PDZRN4: variants seen among roughly 807,000 people sequenced by gnomAD.
PDZRN4 encodes PDZ domain-containing RING finger protein 4.
A neutral mutation model predicts 99.0 loss-of-function variants in PDZRN4; 70 were observed. The ratio of observed to expected loss-of-function variants is 0.71; its 90% CI spans 0.58 to 0.86. The LOEUF is 0.86. Among genes scored for constraint, PDZRN4 ranks in the 40% least tolerant of loss-of-function variants. The pLI is 0.00. For missense variants in PDZRN4, 1,474 were observed against 1,331.2 expected (o/e 1.11, Z -1.67); for synonymous variants, 551 against 501.6 (o/e 1.10, Z -1.32).
At chr12:41,400,259 A>G (rs1477296838) in intron 3 of PDZRN4, among the ~76,000 whole-genome samples, 2 of 152,140 alleles carry the variant, frequency 1.3e-5, no homozygotes, top group East Asian at 3.9e-4. Context: ...AATAGACACT[A>G]TTGGTACTTA....
chr12:41,554,317 A>T (rs1247994802), intron 6 of PDZRN4, among the ~76,000 whole-genome samples: 2 of 152,192 alleles, frequency 1.3e-5, no homozygotes, highest in East Asian at 3.9e-4. Context: ...TCCTTCTAGT[A>T]AGTCTCTATT....
chr12:41,526,920 A>G (rs191702691), intron 5 of PDZRN4, among the ~76,000 whole-genome samples: 193 of 152,364 alleles, frequency 1.3e-3, no homozygotes, highest in African/African-American at 4.4e-3. Flanking sequence ...TGAAAGCCAT[A>G]GTGACCCAAT....
chr12:41,278,276 G>A (rs1951362920), intron 3 of PDZRN4, among the ~76,000 whole-genome samples: 1 of 152,136 alleles, frequency 6.6e-6, no homozygotes, highest in African/African-American at 2.4e-5. Flanking sequence ...GAAAAACATA[G>A]ACACAAGATA....
chr12:41,465,246 T>C (rs1170828750), intron 3 of PDZRN4, among the ~76,000 whole-genome samples: 2 of 152,214 alleles, frequency 1.3e-5, no homozygotes, highest in Non-Finnish European at 2.9e-5. Flanking sequence ...ACTTACATGG[T>C]TTGCCCTTTG....
intron 9 of PDZRN4, among the ~76,000 whole-genome samples, chr12:41,568,449 C>T (rs1939418240): frequency 6.6e-6 from 1 of 152,158 alleles, no homozygotes; most frequent in East Asian, 1.9e-4. Flanking sequence ...CATAGTATAA[C>T]TTGTGCAACA....
At chr12:41,443,919 C>A (rs1295381495) in intron 3 of PDZRN4, among the ~76,000 whole-genome samples, 2 of 152,002 alleles carry the variant, frequency 1.3e-5, no homozygotes, top group African/African-American at 4.8e-5. Context: ...TGAGATCACC[C>A]AGGCAGATGT....
intron 3 of PDZRN4, among the ~76,000 whole-genome samples, chr12:41,442,087 C>G (rs1015021940): frequency 2.0e-5 from 3 of 152,094 alleles, no homozygotes; most frequent in Non-Finnish European, 4.4e-5. Flanking sequence ...GAAAACATGT[C>G]TTATTCCAGT....
intron 3 of PDZRN4, among the ~76,000 whole-genome samples, chr12:41,298,567 A>G (rs920302609): frequency 8.5e-5 from 13 of 152,166 alleles, no homozygotes; most frequent in Admixed American, 1.3e-4. Context: ...ATTTCTTTAT[A>G]AATTACCTGA....
At position 41,477,610 on chromosome 12, in the gene PDZRN4, G is replaced by A. The variant is rs552539938; in HGVS notation, c.844-28846G>A. 3.9e-5 allele frequency among the ~76,000 whole-genome samples: 6 copies of A among 152,220 alleles called. No homozygotes were observed. The South Asian group carries it at 1.2e-3, about 32-fold the overall frequency. On this transcript the variant is annotated intron_variant, in intron 3 of 9. Transcript: ENST00000402685. ...TAGAAGGTAGCAGCCATCAGCAAAA[G>A]GTTCTTTTTACTACAGAACCACAAA...
intron 3 of PDZRN4, among the ~76,000 whole-genome samples, chr12:41,285,060 G>GT (rs1207197638): frequency 1.3e-5 from 2 of 152,108 alleles, no homozygotes; most frequent in African/African-American, 2.4e-5. Flanking sequence ...TATCATCAGA[G>GT]TGAACAGGCA....
intron 4 of PDZRN4, among the ~76,000 whole-genome samples, chr12:41,507,003 C>T (rs1938218714): frequency 6.6e-6 from 1 of 152,074 alleles, no homozygotes; most frequent in Admixed American, 6.6e-5. Flanking sequence ...CTGTCAAAAG[C>T]CTCATGCTAC....
chr12:41,413,840 T>G (rs1952419505), intron 3 of PDZRN4, among the ~76,000 whole-genome samples: 1 of 152,152 alleles, frequency 6.6e-6, no homozygotes, highest in Non-Finnish European at 1.5e-5. Flanking sequence ...TATATGAGGT[T>G]TTGATCCTAC....
chr12:41,251,407 C>G (rs190160432), intron 3 of PDZRN4, among the ~76,000 whole-genome samples: 1 of 152,086 alleles, frequency 6.6e-6, no homozygotes, highest in African/African-American at 2.4e-5. Flanking sequence ...GGGCATTTTC[C>G]CTATAAACTT....
intron 3 of PDZRN4, among the ~76,000 whole-genome samples, chr12:41,437,047 A>G (rs915165825): frequency 3.9e-5 from 6 of 152,320 alleles, no homozygotes; most frequent in Middle Eastern, 3.4e-3. Flanking sequence ...ATGGGCCTTC[A>G]TTATCTAATT....
intron 5 of PDZRN4, among the ~76,000 whole-genome samples, chr12:41,527,210 A>T (rs1430803904): frequency 6.6e-6 from 1 of 152,244 alleles, no homozygotes; most frequent in Non-Finnish European, 1.5e-5. Context: ...GGAAAGGTGA[A>T]GGCACTGACA....
intron 3 of PDZRN4, chr12:41,409,818 T>G (rs1189010045): frequency 9.2e-5 from 14 of 152,188 alleles, no homozygotes. Context: ...AGGGAGGAAC[T>G]TCTCCTGCTT....
intron 3 of PDZRN4, among the ~76,000 whole-genome samples, chr12:41,236,256 C>A (rs1951065951): frequency 6.6e-6 from 1 of 152,092 alleles, no homozygotes; most frequent in African/African-American, 2.4e-5. Flanking sequence ...AAGATTGATT[C>A]TTTGCAGGGA....
intron 3 of PDZRN4, among the ~76,000 whole-genome samples, chr12:41,430,212 G>A (rs1172974659): frequency 6.6e-6 from 1 of 152,200 alleles, no homozygotes; most frequent in Non-Finnish European, 1.5e-5. Flanking sequence ...GCTCACGCCT[G>A]TAATCCCAGC....
chr12:41,396,090 C>T (rs1952243962), intron 3 of PDZRN4, among the ~76,000 whole-genome samples: 1 of 152,028 alleles, frequency 6.6e-6, no homozygotes, highest in Admixed American at 6.6e-5. Context: ...CAAAAAGAAC[C>T]CAGAAAGCGA....
Sources: gnomAD v4.1 joint callset for allele counts (sites outside exome capture counted in the v4.1 genomes callset) on GRCh38, gnomAD v4.1.1 for gene constraint, MANE v1.5 for transcripts, NCBI Gene and HGNC (gene_info 2026-07-23, HGNC 2026-07-21) for gene names.